RAD51AP2: variants seen among roughly 807,000 people sequenced by gnomAD.
The protein encoded by RAD51AP2 is RAD51 associated protein 2.
A neutral mutation model predicts 85.5 loss-of-function variants in RAD51AP2; 67 were observed. The observed-to-expected ratio is 0.78, with a 90% CI of 0.64 to 0.96. The LOEUF (loss-of-function observed/expected upper bound fraction) is 0.96, where lower values mean the gene tolerates loss of function less well. RAD51AP2 is among the 40% of genes least tolerant of loss of function. The pLI is 0.00. For missense variants in RAD51AP2, 1,307 were observed against 1,332.4 expected (o/e 0.98, Z 0.30); for synonymous variants, 474 against 446.5 (o/e 1.06, Z -0.78).
the RAD51AP2 span, among the ~76,000 whole-genome samples, chr2:17,528,245 C>CTT: frequency 2.6e-4 from 39 of 152,212 alleles, no homozygotes; most frequent in African/African-American, 9.4e-4. Context: ...CATCTAAATA[C>CTT]TTTTAATCAG....
At chr2:17,518,472 G>A, upstream of RAD51AP2, 1 of 1,553,004 alleles carries the variant, frequency 6.4e-7, no homozygotes, top group Non-Finnish European at 8.7e-7. Flanking sequence ...CCCTTAATAG[G>A]CGGTTCCGGG....
Position 17,517,863 on chromosome 2 carries a change from T to C in RAD51AP2, c.553A>G (p.Asn185Asp). 1 of 1,614,160 alleles carries C rather than the reference T, an allele frequency of 6.2e-7. No individual in the cohort carries two copies. The highest frequency in any genetic ancestry group is 8.5e-7 in the Non-Finnish European group (1 of 1,179,980). ...RKQQFVQGRDNVHKENPFLDV... is the reference protein window; with the variant it reads ...RKQQFVQGRDDVHKENPFLDV... ...AAAAATGGATTTTCTTTGTGAACAT[T>C]GTCTCTTCCTTGGACAAACTGTTGT... Residue 185 changes from asparagine (N) to aspartate (D), a missense_variant, in exon 1 of 3, where the codon AAT (asparagine) becomes GAT (aspartate). This residue lies in a region of RAD51AP2 where 635 missense variants were observed against 643.6 expected (regional missense o/e 0.99). Coordinates refer to ENST00000399080, the MANE Select transcript of RAD51AP2 (RefSeq NM_001099218.3).
upstream of RAD51AP2, among the ~76,000 whole-genome samples, chr2:17,520,272 A>G (rs1346251539): frequency 6.6e-6 from 1 of 152,202 alleles, no homozygotes; most frequent in East Asian, 1.9e-4. Context: ...CATTTCAAAC[A>G]ATGGCTATTG....
chr2:17,534,636 GCTCT>G, the RAD51AP2 span, among the ~76,000 whole-genome samples: 3 of 151,890 alleles, frequency 2.0e-5, no homozygotes, highest in African/African-American at 4.8e-5. Flanking sequence ...TGGGGGTAAT[GCTCT>G]CTGTTTGTGA....
chr2:17,526,371 G>A, the RAD51AP2 span, among the ~76,000 whole-genome samples: 1 of 151,868 alleles, frequency 6.6e-6, no homozygotes, highest in Non-Finnish European at 1.5e-5. Flanking sequence ...ATTTATATGT[G>A]GTTCCTTGTT....
the RAD51AP2 span, among the ~76,000 whole-genome samples, chr2:17,533,031 A>C: frequency 6.6e-6 from 1 of 152,210 alleles, no homozygotes; most frequent in African/African-American, 2.4e-5. Context: ...GGAGAATAAC[A>C]AGTGCAAAAG....
chr2:17,523,556 G>A, the RAD51AP2 span, among the ~76,000 whole-genome samples: 554 of 151,896 alleles, frequency 3.6e-3, 1 homozygote, highest in Middle Eastern at 0.014. Context: ...TAGCTGTAGT[G>A]AGCCAGGCAG....
At position 17,515,250 on chromosome 2, in the gene RAD51AP2, T is replaced by C. The variant is rs375135733; in HGVS notation, c.3166A>G (p.Asn1056Asp). The C allele has an allele frequency of 3.7e-6, 6 of 1,612,810 alleles. No individual in the cohort carries two copies. In the African/African-American group the frequency reaches 6.7e-5, roughly 18 times the overall value. ...TCATTAGGAACTTCCTGTTCTCCATTATTGGGTACAGTTTTCCATTTAAAT... is the reference window on the plus strand; with the variant it reads ...TCATTAGGAACTTCCTGTTCTCCATCATTGGGTACAGTTTTCCATTTAAAT... Reference protein sequence around the residue: ...SLFKWKTVPNNGEQEVPNESC... With the variant: ...SLFKWKTVPNDGEQEVPNESC... Residue 1056 changes from asparagine to aspartate, a missense_variant, in exon 1 of 3, where the codon AAT (asparagine) becomes GAT (aspartate). Asn to Asp is a conservative substitution (Grantham distance 23). This residue lies in a region of RAD51AP2 where 668 missense variants were observed against 671.0 expected (regional missense o/e 1.00). Coordinates refer to ENST00000399080, the MANE Select transcript of RAD51AP2 (RefSeq NM_001099218.3).
Position 17,517,557 on chromosome 2 carries a change from C to G in RAD51AP2, c.859G>C (p.Glu287Gln). The change falls in exon 1 of 3, where the codon GAG becomes CAG. Residue 287 changes from glutamate to glutamine, a missense_variant. By Grantham distance (29) the Glu-to-Gln change is conservative. Around this residue, in one of 3 missense-constraint regions of RAD51AP2, gnomAD observed 635 missense variants for 643.6 expected, o/e 0.99. Coordinates refer to ENST00000399080, the MANE Select transcript of RAD51AP2 (RefSeq NM_001099218.3). ...TTTGTGAAATCCCTAACATATGCCT[C>G]TTTTTTGTCATTCTTTTTCTTCGCT... ...EIAKKKNDKK[E>Q]AYVRDFTNIY... 6.2e-7 allele frequency: 1 copy of G among 1,613,616 alleles called. No homozygotes were observed. The highest frequency in any genetic ancestry group is 2.2e-5 in the East Asian group (1 of 44,870).
the RAD51AP2 span, among the ~76,000 whole-genome samples, chr2:17,531,534 A>C: frequency 6.6e-6 from 1 of 152,172 alleles, no homozygotes; most frequent in South Asian, 2.1e-4. Context: ...TATATGGATC[A>C]TTGGCAAGGT....
At chr2:17,514,917 T>A (rs1662604001) in intron 1 of RAD51AP2, among the ~76,000 whole-genome samples, 1 of 152,092 alleles carries the variant, frequency 6.6e-6, no homozygotes, top group African/African-American at 2.4e-5. Flanking sequence ...AACACCTTTT[T>A]TTTTTTTCTT....
chr2:17,528,136 T>G, the RAD51AP2 span, among the ~76,000 whole-genome samples: 1 of 152,224 alleles, frequency 6.6e-6, no homozygotes, highest in East Asian at 1.9e-4. Flanking sequence ...TGTGGTTGGC[T>G]TGGTTTTAAA....
Position 17,515,496 on chromosome 2 carries a change from C to A in RAD51AP2, c.2920G>T (p.Glu974Ter). ...MKRKFDLVLE[E>*]LRMFHEISRE... The stretch of plus-strand genomic sequence containing the variant: ...CTAATTTCATGAAACATACGAAGTT[C>A]TTCAAGTACTAAGTCAAATTTTCTC... Residue 974 changes from glutamate to a stop codon, truncating the protein, a stop_gained, in exon 1 of 3, where the codon GAA (glutamate) becomes TAA (stop). Coordinates refer to ENST00000399080, the MANE Select transcript of RAD51AP2 (RefSeq NM_001099218.3). LOFTEE classifies it high-confidence loss of function. 1 of 1,613,152 alleles carries A rather than the reference C, an allele frequency of 6.2e-7. No individual in the cohort carries two copies. Among genetic ancestry groups the A allele is most frequent in the Non-Finnish European group, 8.5e-7 (1 of 1,179,678 alleles).
In RAD51AP2 at chr2:17,517,931, G is replaced by C. The variant is rs891383715; in HGVS notation, c.485C>G (p.Thr162Ser). 4 of 1,613,998 alleles carry C rather than the reference G, an allele frequency of 2.5e-6. No individual in the cohort carries two copies. In the African/African-American group the frequency reaches 5.3e-5, roughly 22 times the overall value. Residue 162 changes from threonine to serine, a missense_variant, in exon 1 of 3, where the codon ACC becomes AGC. This residue lies in a region of RAD51AP2 where 635 missense variants were observed against 643.6 expected (regional missense o/e 0.99). Coordinates refer to ENST00000399080, the MANE Select transcript of RAD51AP2 (RefSeq NM_001099218.3). ...KAGVSQLLPSTSIHDIHGIRN... is the reference protein window; with the variant it reads ...KAGVSQLLPSSSIHDIHGIRN... ...AATTCCATGTATATCGTGTATAGAG[G>C]TGCTGGGCAGAAGTTGACTAACCCC...
In RAD51AP2 at chr2:17,515,519, CTCT is replaced by C. The variant is rs1264149987; in HGVS notation, c.2894_2896del (p.Lys965del). The C allele has an allele frequency of 1.2e-6, 2 of 1,610,086 alleles. No homozygotes were observed. Among genetic ancestry groups the C allele is most frequent in the East Asian group, 2.2e-5 (1 of 44,798 alleles). On this transcript the variant is annotated inframe_deletion, in exon 1 of 3. Transcript: ENST00000399080. The stretch of plus-strand genomic sequence containing the variant: ...TTCTTCAAGTACTAAGTCAAATTTT[CTCT>C]TCATCTCAAAATCTTTTACTATTGT...
chr2:17,526,223 T>C, the RAD51AP2 span, among the ~76,000 whole-genome samples: 1 of 152,020 alleles, frequency 6.6e-6, no homozygotes, highest in Non-Finnish European at 1.5e-5. Flanking sequence ...TATTTTTGCA[T>C]ATAAAATCTC....
At position 17,517,933 on chromosome 2, in the gene RAD51AP2, G is replaced by A. The variant is rs542055351; in HGVS notation, c.483C>T (p.Ser161=). Residue 161 remains serine, a synonymous_variant, in exon 1 of 3, where the codon AGC becomes AGT. Transcript: ENST00000399080. Reference sequence around the variant, plus strand: ...TTCCATGTATATCGTGTATAGAGGTGCTGGGCAGAAGTTGACTAACCCCTG... The same window carrying A: ...TTCCATGTATATCGTGTATAGAGGTACTGGGCAGAAGTTGACTAACCCCTG... ...SKAGVSQLLP[S]TSIHDIHGIR... The A allele has an allele frequency of 9.3e-6, 15 of 1,614,128 alleles. 1 individual carries two copies. In the South Asian group the frequency reaches 1.6e-4, roughly 18 times the overall value.
chr2:17,517,312 A>G lies in RAD51AP2; in HGVS notation c.1104T>C (p.Ala368=). Residue 368 remains alanine (A), a synonymous_variant, in exon 1 of 3, where the codon GCT becomes GCC. Transcript: ENST00000399080. ...CCTCCCAATTTGCATTTTCTAGTAT[A>G]GCGAAATTCTTTCTAGAGTCTCTTA... ...CNVRDSRKNF[A]ILENANWEEA... 6.2e-7 allele frequency: 1 copy of G among 1,614,064 alleles called. No individual in the cohort carries two copies. Among genetic ancestry groups the G allele is most frequent in the South Asian group, 1.1e-5 (1 of 91,070 alleles).
Position 17,515,850 on chromosome 2 carries a change from T to C in RAD51AP2, c.2566A>G (p.Ile856Val), listed in dbSNP as rs750229755. 3 of 1,609,924 alleles carry C rather than the reference T, an allele frequency of 1.9e-6. No homozygotes were observed. The highest frequency in any genetic ancestry group is 2.7e-5 in the African/African-American group (2 of 74,936). The change falls in exon 1 of 3, where the codon ATA (isoleucine) becomes GTA (valine). Residue 856 changes from isoleucine (I) to valine (V), a missense_variant. This residue lies in a region of RAD51AP2 where 668 missense variants were observed against 671.0 expected (regional missense o/e 1.00). Coordinates refer to ENST00000399080, the MANE Select transcript of RAD51AP2 (RefSeq NM_001099218.3). ...AAACTATCTTTCTCTTCCTTTTCTA[T>C]CTTAGTATCTTTGTGAACTTGGCAA... ...NSCQVHKDTK[I>V]EKEEKDSFFP...
Sources: gnomAD v4.1 joint callset for allele counts (sites outside exome capture counted in the v4.1 genomes callset) on GRCh38, gnomAD v4.1.1 for gene constraint, gnomAD v4.1.1 regional missense constraint, MANE v1.5 for transcripts, NCBI Gene and HGNC (gene_info 2026-07-23, HGNC 2026-07-21) for gene names.